The following PLD5 variants were observed in gnomAD, a reference collection of about 807,000 sequenced individuals.
PLD5 encodes the protein phospholipase D family member 5, also known as inactive phospholipase D5.
A neutral mutation model predicts 61.1 loss-of-function variants in PLD5; 36 were observed. That is an observed-to-expected ratio of 0.59 (90% CI 0.45 to 0.78). The LOEUF is 0.78. Ranked by LOEUF, PLD5 falls within the 30% of genes least tolerant of loss-of-function variation. The pLI is 0.00. For missense variants in PLD5, 515 were observed against 644.4 expected (o/e 0.80, Z 2.17); for synonymous variants, 243 against 242.8 (o/e 1.00, Z -0.01).
At chr1:242,352,830 T>C (rs1043204285) in intron 1 of PLD5, among the ~76,000 whole-genome samples, 2 of 152,204 alleles carry the variant, frequency 1.3e-5, no homozygotes. Flanking sequence ...CTGTTACCCA[T>C]TTGTATGTCT....
At chr1:242,219,429 C>G in intron 5 of PLD5, among the ~76,000 whole-genome samples, 1 of 152,206 alleles carries the variant, frequency 6.6e-6, no homozygotes, top group South Asian at 2.1e-4. Context: ...GACTAGGAAC[C>G]TCCTGTCGCT....
chr1:242,438,439 CTT>C (rs1171422837), intron 1 of PLD5, among the ~76,000 whole-genome samples: 12 of 120,528 alleles, frequency 1.0e-4, no homozygotes, highest in African/African-American at 2.0e-4. Flanking sequence ...AATTTTTTTT[CTT>C]TTTTTTTTTT....
chr1:242,452,634 G>A (rs899325554), intron 1 of PLD5, among the ~76,000 whole-genome samples: 2 of 152,050 alleles, frequency 1.3e-5, no homozygotes, highest in African/African-American at 4.8e-5. Context: ...TAGGCAACAC[G>A]GTGAAACTCC....
At chr1:242,476,677 C>T (rs532336039) in intron 1 of PLD5, among the ~76,000 whole-genome samples, 3 of 152,296 alleles carry the variant, frequency 2.0e-5, no homozygotes, top group Admixed American at 2.0e-4. Context: ...GACACTTCAT[C>T]TAAAATTCAT....
chr1:242,195,834 C>A (rs1194273683), intron 5 of PLD5, among the ~76,000 whole-genome samples: 1 of 152,118 alleles, frequency 6.6e-6, no homozygotes, highest in African/African-American at 2.4e-5. Context: ...TAAATCCTAC[C>A]CTTTGTTCAA....
chr1:242,303,468 T>C (rs916310069), intron 2 of PLD5, among the ~76,000 whole-genome samples: 1 of 152,256 alleles, frequency 6.6e-6, no homozygotes, highest in Non-Finnish European at 1.5e-5. Context: ...ATTTCTAAAA[T>C]GTATAAATGC....
intron 1 of PLD5, among the ~76,000 whole-genome samples, chr1:242,478,124 A>G (rs1352787551): frequency 6.6e-6 from 1 of 152,226 alleles, no homozygotes; most frequent in Admixed American, 6.5e-5. Flanking sequence ...ATGCCATTAA[A>G]TCTGGGCACA....
At chr1:242,395,995 G>T (rs1663549595) in intron 1 of PLD5, among the ~76,000 whole-genome samples, 1 of 152,074 alleles carries the variant, frequency 6.6e-6, no homozygotes, top group Admixed American at 6.6e-5. Context: ...TTGCAGTGAG[G>T]CGAGATTGCG....
rs192188700 is a variant in PLD5 at position 242,496,299 on chromosome 1, G to A, written c.189+27789C>T. 1.7e-4 allele frequency among the ~76,000 whole-genome samples: 26 copies of A among 152,258 alleles called. 1 individual carries two copies. In the East Asian group the frequency reaches 4.6e-3, roughly 27 times the overall value. On this transcript the variant is annotated intron_variant, in intron 1 of 9. Coordinates refer to ENST00000536534, the MANE Select transcript of PLD5 (RefSeq NM_001372062.1). Reference sequence around the variant, plus strand: ...GAATTTTTGCTCTCCTAAGATGGAAGGCAACTTTGAAGAAAATAATACTCC... The same window carrying A: ...GAATTTTTGCTCTCCTAAGATGGAAAGCAACTTTGAAGAAAATAATACTCC...
chr1:242,474,674 C>A (rs986845156), intron 1 of PLD5, among the ~76,000 whole-genome samples: 1 of 152,080 alleles, frequency 6.6e-6, no homozygotes, highest in Non-Finnish European at 1.5e-5. Context: ...TGACCTGGCT[C>A]CTCCCTTTCT....
intron 1 of PLD5, among the ~76,000 whole-genome samples, chr1:242,349,627 T>C (rs1053905219): frequency 2.0e-5 from 3 of 152,184 alleles, no homozygotes; most frequent in Admixed American, 2.0e-4. Context: ...ATACATATCA[T>C]TAGGCCCCAG....
intron 2 of PLD5, among the ~76,000 whole-genome samples, chr1:242,300,392 C>T (rs11589318): frequency 0.64 from 96,567 of 151,644 alleles, 33,808 homozygotes; most frequent in Non-Finnish European, 0.8. Flanking sequence ...TACAGTGAGC[C>T]GAGATCATAC....
At chr1:242,452,603 C>A (rs933277165) in intron 1 of PLD5, among the ~76,000 whole-genome samples, 1 of 152,110 alleles carries the variant, frequency 6.6e-6, no homozygotes, top group African/African-American at 2.4e-5. Flanking sequence ...ATCGCTTGAG[C>A]CCAGGAGTTC....
At chr1:242,275,897 A>G (rs943687850) in intron 3 of PLD5, among the ~76,000 whole-genome samples, 2 of 152,222 alleles carry the variant, frequency 1.3e-5, no homozygotes, top group African/African-American at 4.8e-5. Flanking sequence ...CCTCTGAAGC[A>G]TTTAACCCAG....
At chr1:242,362,585 C>A (rs188535741) in intron 1 of PLD5, among the ~76,000 whole-genome samples, 51 of 152,170 alleles carry the variant, frequency 3.4e-4, no homozygotes, top group Non-Finnish European at 5.4e-4. Flanking sequence ...TAGTGATGTT[C>A]CCAAAGGAAG....
In PLD5 at chr1:242,207,902, A is replaced by ATATTTATATATTTATATATT. The variant is rs1553324945; in HGVS notation, c.735+12085_735+12086insAATATATAAATATATAAATA. 2.8e-3 allele frequency among the ~76,000 whole-genome samples: 59 copies of ATATTTATATATTTATATATT among 21,074 alleles called. 7 individuals are homozygous for ATATTTATATATTTATATATT. Among genetic ancestry groups the ATATTTATATATTTATATATT allele is most frequent in the South Asian group, 6.0e-3 (4 of 668 alleles). 13.8% of individuals were successfully genotyped at this position (21,074 alleles called of 152,430 possible). On this transcript the variant is annotated intron_variant, in intron 5 of 9. Transcript: ENST00000536534. ...TTTATATATTTATATATATTTATAT[A>ATATTTATATATTTATATATT]TTTATATATATTTATATATTTATAT...
chr1:242,093,439 T>G (rs892714287), intron 9 of PLD5, among the ~76,000 whole-genome samples: 2 of 152,128 alleles, frequency 1.3e-5, no homozygotes, highest in African/African-American at 2.4e-5. Flanking sequence ...ACAAGGGCAG[T>G]CAATATATCA....
chr1:242,276,241 G>A (rs1674403328), intron 3 of PLD5, among the ~76,000 whole-genome samples: 5 of 151,194 alleles, frequency 3.3e-5, no homozygotes, highest in Admixed American at 2.6e-4. Flanking sequence ...GAGAGGCTGA[G>A]GCAGGATTGC....
At chr1:242,359,055 T>G (rs1660919971) in intron 1 of PLD5, among the ~76,000 whole-genome samples, 1 of 152,150 alleles carries the variant, frequency 6.6e-6, no homozygotes, top group Non-Finnish European at 1.5e-5. Flanking sequence ...CCAGCTTGAC[T>G]TTGCAGGTGA....
Sources: allele counts gnomAD v4.1 joint callset (sites outside exome capture counted in the v4.1 genomes callset), GRCh38; gene constraint gnomAD v4.1.1; transcripts MANE v1.5; gene names NCBI Gene and HGNC (gene_info 2026-07-23, HGNC 2026-07-21).